Variants in SOCS2 observed in about 807,000 individuals in gnomAD.
SOCS2 encodes CIS-2.
Under a neutral mutation model 18.6 loss-of-function variants are expected in SOCS2, and 10 were observed. The ratio of observed to expected loss-of-function variants is 0.54; its 90% CI spans 0.33 to 0.91. The LOEUF is 0.91. Ranked by LOEUF, SOCS2 falls within the 40% of genes least tolerant of loss-of-function variation. The probability of loss-of-function intolerance (pLI) is 0.02; values close to 1 mark genes in which losing one functional copy is unlikely to be tolerated. For synonymous variants in SOCS2, 104 were observed against 104.0 expected (o/e 1.00, Z 0.00); for missense variants, 231 against 247.2 (o/e 0.93, Z 0.44).
chr12:93,598,530 C>T, the SOCS2 span, among the ~76,000 whole-genome samples: 1 of 152,188 alleles, frequency 6.6e-6, no homozygotes, highest in African/African-American at 2.4e-5. Flanking sequence ...CAGGGAAGAA[C>T]TCAACCAGAG....
chr12:93,588,645 C>T, the SOCS2 span, among the ~76,000 whole-genome samples: 5 of 150,146 alleles, frequency 3.3e-5, no homozygotes, highest in African/African-American at 9.8e-5. Context: ...GCCAGAGTCT[C>T]GCTCTGTTGC....
chr12:93,570,427 C>G (rs926732110), upstream of SOCS2: 1 of 152,350 alleles, frequency 6.6e-6, no homozygotes, highest in Non-Finnish European at 1.5e-5. Flanking sequence ...CCTCCGGTCC[C>G]CGGCCGTGGG....
At chr12:93,612,797 G>A in the SOCS2 span, among the ~76,000 whole-genome samples, 3 of 152,142 alleles carry the variant, frequency 2.0e-5, no homozygotes, top group Non-Finnish European at 2.9e-5. Flanking sequence ...TCTGTTTTAT[G>A]CCCCACCCTT....
upstream of SOCS2, chr12:93,570,338 G>A: frequency 6.5e-6 from 1 of 152,794 alleles, no homozygotes. Flanking sequence ...CAGGGGGAGG[G>A]GACTAAGGAC....
chr12:93,607,497 C>CT, the SOCS2 span, among the ~76,000 whole-genome samples: 1 of 149,904 alleles, frequency 6.7e-6, no homozygotes, highest in East Asian at 1.9e-4. Context: ...GGAAGAAGAA[C>CT]ACAAGATACC....
chr12:93,619,208 G>A, the SOCS2 span, among the ~76,000 whole-genome samples: 3 of 152,280 alleles, frequency 2.0e-5, no homozygotes, highest in African/African-American at 7.2e-5. Flanking sequence ...CAACGCAGGG[G>A]ACAAGCGGTG....
At chr12:93,614,416 T>TCCCTTC in the SOCS2 span, among the ~76,000 whole-genome samples, 18 of 112,200 alleles carry the variant, frequency 1.6e-4, 4 homozygotes, top group African/African-American at 4.6e-4. Flanking sequence ...TTTCTTTCTT[T>TCCCTTC]CTTCCTTTCT....
chr12:93,605,267 A>G, the SOCS2 span, among the ~76,000 whole-genome samples: 1 of 152,180 alleles, frequency 6.6e-6, no homozygotes, highest in Non-Finnish European at 1.5e-5. Flanking sequence ...CGAGTGTTAC[A>G]CACACTATAT....
chr12:93,623,563 C>T, the SOCS2 span, among the ~76,000 whole-genome samples: 3 of 152,108 alleles, frequency 2.0e-5, no homozygotes, highest in African/African-American at 7.2e-5. Context: ...CGGACTTACA[C>T]AAGCACCAAC....
At chr12:93,614,085 A>ATT in the SOCS2 span, among the ~76,000 whole-genome samples, 31 of 145,212 alleles carry the variant, frequency 2.1e-4, no homozygotes, top group African/African-American at 7.7e-4. Context: ...TTAACCAGCC[A>ATT]TTTTTTTTTT....
chr12:93,593,004 G>T, the SOCS2 span, among the ~76,000 whole-genome samples: 2 of 143,992 alleles, frequency 1.4e-5, no homozygotes, highest in African/African-American at 5.2e-5. Flanking sequence ...CACAACTATA[G>T]TAAAAGTTTC....
chr12:93,596,536 A>G, the SOCS2 span, among the ~76,000 whole-genome samples: 1 of 152,146 alleles, frequency 6.6e-6, no homozygotes, highest in African/African-American at 2.4e-5. Flanking sequence ...TGTTCAAAGG[A>G]AACTGCAGGG....
intron 1 of SOCS2, among the ~76,000 whole-genome samples, chr12:93,582,506 GGAGA>G (rs1449511568): frequency 6.6e-6 from 1 of 152,190 alleles, no homozygotes. Context: ...TGAGAAGATT[GGAGA>G]GAGAGTCAGA....
At chr12:93,614,441 T>TTC in the SOCS2 span, among the ~76,000 whole-genome samples, 4 of 62,686 alleles carry the variant, frequency 6.4e-5, no homozygotes, top group East Asian at 5.5e-4. Context: ...CTTCCTTCCT[T>TTC]CCTTCCTTCC....
chr12:93,614,410 T>TTTC, the SOCS2 span, among the ~76,000 whole-genome samples: 2 of 140,626 alleles, frequency 1.4e-5, no homozygotes, highest in African/African-American at 5.6e-5. Context: ...TCTTTCTTTC[T>TTTC]TTCTTTCTTC....
the SOCS2 span, among the ~76,000 whole-genome samples, chr12:93,616,500 A>G: frequency 6.6e-6 from 1 of 152,188 alleles, no homozygotes; most frequent in Non-Finnish European, 1.5e-5. Flanking sequence ...GTCACTTTCC[A>G]CTAGTTAGCC....
At chr12:93,593,046 G>A in the SOCS2 span, among the ~76,000 whole-genome samples, 1 of 150,004 alleles carries the variant, frequency 6.7e-6, no homozygotes, top group Admixed American at 6.8e-5. Flanking sequence ...CCCTTATCCT[G>A]GTTTCCTGCC....
chr12:93,584,836 C>CA (rs756584609), downstream of SOCS2, among the ~76,000 whole-genome samples: 11 of 152,046 alleles, frequency 7.2e-5, no homozygotes, highest in Non-Finnish European at 1.5e-5. Context: ...GATCTCAGCT[C>CA]ACTGCAACCT....
chr12:93,578,682 G>GCACACACACA (rs10594657), downstream of SOCS2, among the ~76,000 whole-genome samples: 370 of 146,650 alleles, frequency 2.5e-3, 1 homozygote, highest in African/African-American at 7.4e-3. Flanking sequence ...TTGCATGCTC[G>GCACACACACA]CACACACACA....
Sources: gnomAD v4.1 joint callset for allele counts (sites outside exome capture counted in the v4.1 genomes callset) on GRCh38, gnomAD v4.1.1 for gene constraint, MANE v1.5 for transcripts, NCBI Gene and HGNC (gene_info 2026-07-23, HGNC 2026-07-21) for gene names.